The following COMP variants were observed in gnomAD, a reference collection of about 807,000 sequenced individuals.
The protein encoded by COMP is cartilage oligomeric matrix protein (pseudoachondroplasia, epiphyseal dysplasia 1, multiple).
A neutral mutation model predicts 95.8 loss-of-function variants in COMP; 79 were observed. That is an observed-to-expected ratio of 0.82 (90% CI 0.69 to 0.99). The LOEUF is 0.99. Among genes scored for constraint, COMP ranks in the 50% least tolerant of loss-of-function variants. The probability of loss-of-function intolerance (pLI) is 0.00; values close to 1 mark genes in which losing one functional copy is unlikely to be tolerated. For synonymous variants in COMP, 438 were observed against 433.9 expected, an observed-to-expected ratio of 1.01 and a Z score of -0.12; for missense variants, 906 against 1,076.1, an observed-to-expected ratio of 0.84 and a Z score of 2.21.
In COMP at chr19:18,789,371, G is replaced by A; in HGVS notation, c.391-74C>T. The stretch of plus-strand genomic sequence containing the variant: ...TGGGGGCCGCACCTCGTAGTGTCTC[G>A]GATGTGGAAAGTTCAAGGGCCATAT... On this transcript the variant is annotated intron_variant, in intron 4 of 18. Coordinates refer to ENST00000222271, the MANE Select transcript of COMP (RefSeq NM_000095.3). This position sits in a 1 kb window ranked among gnomAD's most constrained non-coding sequence, Gnocchi z 6.1. 1 of 1,385,424 alleles carries A rather than the reference G, an allele frequency of 7.2e-7. No homozygotes were observed. The highest frequency in any genetic ancestry group is 9.5e-7 in the Non-Finnish European group (1 of 1,053,384). 85.8% of individuals were successfully genotyped at this position (1,385,424 alleles called of 1,614,324 possible). A position where few individuals can be genotyped will look rare whatever the true frequency, so the allele number is the denominator to read the frequency against.
Position 18,789,811 on chromosome 19 carries a change from C to A in COMP, c.390+131G>T. On this transcript the variant is annotated intron_variant, in intron 4 of 18. Coordinates refer to ENST00000222271, the MANE Select transcript of COMP (RefSeq NM_000095.3). This position sits in a 1 kb window ranked among gnomAD's most constrained non-coding sequence, Gnocchi z 6.1. ...CCCCGCGGTAAGGAGGTAGTCTGGC[C>A]GTGCGCCCCCGGAGGTGAGAGGCTC... The A allele has an allele frequency of 4.2e-6, 5 of 1,177,108 alleles. No homozygotes were observed. Among genetic ancestry groups the A allele is most frequent in the Non-Finnish European group, 4.9e-6 (4 of 821,182 alleles). 72.9% of individuals were successfully genotyped at this position (1,177,108 alleles called of 1,614,324 possible). A position where few individuals can be genotyped will look rare whatever the true frequency, so the allele number is the denominator to read the frequency against.
chr19:18,787,870 CTTTCTTTCTTTCTTTCTT>C (rs2055179981), intron 9 of COMP, among the ~76,000 whole-genome samples: 1 of 52,984 alleles, frequency 1.9e-5, no homozygotes, highest in Non-Finnish European at 3.5e-5. Context: ...TTTTCTCTTT[CTTTCTTTCTTTCTTTCTT>C]TCTTTCTTTC....
At chr19:18,790,774 C>T in intron 2 of COMP, 76 bp downstream of exon 2, 1 of 1,586,340 alleles carries the variant, frequency 6.3e-7, no homozygotes, top group Non-Finnish European at 8.6e-7. Flanking sequence ...TTCTCGGGTA[C>T]TTCCTCTCTC....
rs201775456 is a variant in COMP, at chr19:18,788,335, G to A, written c.868-16C>T. Reference sequence around the variant, plus strand: ...CGCAGTTGTCCTGGGGGCGGGCACAGAAGGTGTGAGGGGCGCGGTCATGAA... The same window carrying A: ...CGCAGTTGTCCTGGGGGCGGGCACAAAAGGTGTGAGGGGCGCGGTCATGAA... On this transcript the variant is annotated splice_polypyrimidine_tract_variant and intron_variant, in intron 8 of 18. Transcript: ENST00000222271. This position sits in a 1 kb window ranked among gnomAD's most constrained non-coding sequence, Gnocchi z 4.7. 2.6e-5 allele frequency: 42 copies of A among 1,609,542 alleles called. No homozygotes were observed. The African/African-American group carries it at 4.1e-4, about 16-fold the overall frequency.
rs1390266473 is a variant in COMP at position 18,788,714 on chromosome 19, C to G, written c.640G>C (p.Val214Leu). The G allele has an allele frequency of 9.1e-6, 14 of 1,542,390 alleles. No individual in the cohort carries two copies. Among genetic ancestry groups the G allele is most frequent in the African/African-American group, 2.7e-5 (2 of 72,982 alleles). The change falls in exon 7 of 19, where the codon GTG becomes CTG. Residue 214 changes from valine to leucine, a missense_variant. Coordinates refer to ENST00000222271, the MANE Select transcript of COMP (RefSeq NM_000095.3). This position sits in a 1 kb window ranked among gnomAD's most constrained non-coding sequence, Gnocchi z 4.7. ...TGGCAGCCGGACGCCTGGTCGCCCA[C>G]GAAGCCGGGCTGGCACGGGCCGCAC... ...FQCGPCQPGF[V>L]GDQASGCQRR...
chr19:18,788,876 T>C lies in COMP; in HGVS notation c.566A>G (p.His189Arg), dbSNP rs199792797. ...GCACACGGAGTTGGGGACGCAGTTATGTTGCCCGGTCTCACACTCGTTGAT... is the reference window on the plus strand; with the variant it reads ...GCACACGGAGTTGGGGACGCAGTTACGTTGCCCGGTCTCACACTCGTTGAT... ...TDINECETGQ[H>R]NCVPNSVCIN... The change falls in exon 6 of 19, where the codon CAT (histidine) becomes CGT (arginine). Residue 189 changes from histidine to arginine, a missense_variant. Transcript: ENST00000222271. This position sits in a 1 kb window ranked among gnomAD's most constrained non-coding sequence, Gnocchi z 4.7. The C allele has an allele frequency of 3.3e-5, 54 of 1,613,862 alleles. No individual in the cohort carries two copies. The highest frequency in any genetic ancestry group is 2.4e-5 in the Non-Finnish European group (28 of 1,180,000).
At position 18,789,216 on chromosome 19, in the gene COMP, A is replaced by AC; in HGVS notation, c.471dup (p.Tyr158ValfsTer28). 6.5e-7 allele frequency: 1 copy of AC among 1,537,856 alleles called. No individual in the cohort carries two copies. The highest frequency in any genetic ancestry group is 8.7e-7 in the Non-Finnish European group (1 of 1,150,272). On this transcript the variant is annotated frameshift_variant, in exon 5 of 19. Transcript: ENST00000222271. LOFTEE classifies it high-confidence loss of function. The surrounding 1 kb of genome is among the most constrained non-coding windows in gnomAD (Gnocchi z 6.1). ...ACGCCCTGGTGGGTGGGGCCGCTGT[A>AC]CCCCGGCGGGCAAGCCTCGCAGCGG...
intron 2 of COMP, 74 bp downstream of exon 2, chr19:18,790,773 ACTT>A: frequency 6.3e-7 from 1 of 1,587,414 alleles, no homozygotes; most frequent in Non-Finnish European, 8.5e-7. Flanking sequence ...CTTCTCGGGT[ACTT>A]CCTCTCTCCT....
intron 15 of COMP, 71 bp downstream of exon 15, chr19:18,785,427 G>A (rs1365083943): frequency 1.9e-6 from 3 of 1,589,136 alleles, no homozygotes; most frequent in East Asian, 4.5e-5. Flanking sequence ...CTCAGCCCGG[G>A]CCTGCCCCTT....
In COMP at chr19:18,789,850, C is replaced by A; in HGVS notation, c.390+92G>T. ...GGTGAGAGGCTCTTCGGGGCGAACA[C>A]TCCCAGTGGAGGAAGGGGTCTCCCG... On this transcript the variant is annotated intron_variant, in intron 4 of 18. Coordinates refer to ENST00000222271, the MANE Select transcript of COMP (RefSeq NM_000095.3). The surrounding 1 kb of genome is among the most constrained non-coding windows in gnomAD (Gnocchi z 6.1). 1.4e-6 allele frequency: 2 copies of A among 1,468,962 alleles called. 1 individual carries two copies. Among genetic ancestry groups the A allele is most frequent in the South Asian group, 2.4e-5 (2 of 84,504 alleles). 91.0% of individuals were successfully genotyped at this position (1,468,962 alleles called of 1,614,324 possible).
In COMP at chr19:18,789,189, C is replaced by A. The variant is rs2145904059; in HGVS notation, c.499G>T (p.Gly167Trp). The change falls in exon 5 of 19, where the codon GGG (glycine) becomes TGG (tryptophan). Residue 167 changes from glycine to tryptophan, a missense_variant. Coordinates refer to ENST00000222271, the MANE Select transcript of COMP (RefSeq NM_000095.3). This position sits in a 1 kb window ranked among gnomAD's most constrained non-coding sequence, Gnocchi z 6.1. ...TTGTTGGCCTTGGCGAAAGCCAGCC[C>A]CACGCCCTGGTGGGTGGGGCCGCTG... The part of the protein sequence containing the change: ...GYSGPTHQGV[G>W]LAFAKANKQV... The A allele has an allele frequency of 2.5e-6, 4 of 1,573,572 alleles. No homozygotes were observed. Among genetic ancestry groups the A allele is most frequent in the East Asian group, 2.3e-5 (1 of 44,358 alleles).
rs2055178046 is a variant in COMP at position 18,787,767 on chromosome 19, A to G, written c.976-117T>C. ...CCTCAAGGAACCTTTCGCCCCTCCTAGACCACGGAGGCCACGCCCCTCATC... is the reference window on the plus strand; with the variant it reads ...CCTCAAGGAACCTTTCGCCCCTCCTGGACCACGGAGGCCACGCCCCTCATC... On this transcript the variant is annotated intron_variant, in intron 9 of 18. Transcript: ENST00000222271. The G allele has an allele frequency of 2.9e-6, 4 of 1,372,180 alleles. No homozygotes were observed. In the Admixed American group the frequency reaches 5.4e-5, roughly 18 times the overall value. 85.0% of individuals were successfully genotyped at this position (1,372,180 alleles called of 1,614,324 possible).
At chr19:18,785,155 C>T (rs2055155733) in intron 15 of COMP, 63 bp from the exon 16 acceptor site, 1 of 1,534,964 alleles carries the variant, frequency 6.5e-7, no homozygotes, top group Non-Finnish European at 9.0e-7. Context: ...GAACCTGGCA[C>T]CCAGAACCCA....
In COMP at chr19:18,789,277, G is replaced by A. The variant is rs751553623; in HGVS notation, c.411C>T (p.Phe137=). 2 of 1,501,818 alleles carry A rather than the reference G, an allele frequency of 1.3e-6. No individual in the cohort carries two copies. The highest frequency in any genetic ancestry group is 1.8e-6 in the Non-Finnish European group (2 of 1,128,976). The allele number at this position is 1,501,818 out of a possible 1,614,324, so 93.0% of individuals were successfully genotyped here. ...TGGTGTTGATACAGCGGACTCGGGG[G>A]AAGCAGGGGTGGGCGTTGCACTGGG... ...DVNECNAHPC[F]PRVRCINTSP... is the part of the protein sequence containing the mutation. The change falls in exon 5 of 19, where the codon TTC becomes TTT. Residue 137 remains phenylalanine, a synonymous_variant. Transcript: ENST00000222271. This position sits in a 1 kb window ranked among gnomAD's most constrained non-coding sequence, Gnocchi z 6.1.
rs548771123 is a variant in COMP at position 18,790,712 on chromosome 19, G to A, written c.166-99C>T. On this transcript the variant is annotated intron_variant, in intron 2 of 18. Coordinates refer to ENST00000222271, the MANE Select transcript of COMP (RefSeq NM_000095.3). ...GGGTCCCTTTCTACAGCCTCTTTTC[G>A]CCAAGGACTCCCTACCCGCCGACCC... 3.1e-6 allele frequency: 5 copies of A among 1,610,508 alleles called. No individual in the cohort carries two copies. In the East Asian group the frequency reaches 8.9e-5, roughly 29 times the overall value.
chr19:18,785,378 T>G, intron 15 of COMP, 120 bp downstream of exon 15: 1 of 1,148,612 alleles, frequency 8.7e-7, no homozygotes, highest in Non-Finnish European at 1.2e-6. Context: ...TCCCCGCCCT[T>G]CCTGAGCCCG....
Position 18,787,626 on chromosome 19 carries a change from G to T in COMP, c.1000C>A (p.Pro334Thr). Residue 334 changes from proline to threonine, a missense_variant, in exon 10 of 19, where the codon CCA becomes ACA. Pro to Thr is a conservative substitution (Grantham distance 38). Transcript: ENST00000222271. ...TCCTCGTCCGTGTTGCGCTGGTCTG[G>T]GTTCCGCACCAGCGGGCAGTTGTCC... Reference protein sequence around the residue: ...EKDNCPLVRNPDQRNTDEDKW... With the variant: ...EKDNCPLVRNTDQRNTDEDKW... 3 of 1,613,964 alleles carry T rather than the reference G, an allele frequency of 1.9e-6. No homozygotes were observed. Among genetic ancestry groups the T allele is most frequent in the Non-Finnish European group, 2.5e-6 (3 of 1,180,026 alleles).
intron 9 of COMP, among the ~76,000 whole-genome samples, 188 bp from the exon 10 acceptor site, chr19:18,787,838 G>GTCTTTTC (rs1185909578): frequency 8.3e-6 from 1 of 120,578 alleles, no homozygotes; most frequent in Non-Finnish European, 1.7e-5. Flanking sequence ...TCACAGCTCT[G>GTCTTTTC]TCTTTTCTTT....
intron 3 of COMP, 122 bp from the exon 4 acceptor site, chr19:18,790,236 C>T: frequency 1.7e-6 from 1 of 582,284 alleles, no homozygotes; most frequent in South Asian, 2.1e-5. Context: ...CGCCCCGGGG[C>T]GGCCCGAAAT....
Sources: allele counts gnomAD v4.1 joint callset (sites outside exome capture counted in the v4.1 genomes callset), GRCh38; gene constraint gnomAD v4.1.1; non-coding constraint Gnocchi (gnomAD v3.1); transcripts MANE v1.5; gene names NCBI Gene and HGNC (gene_info 2026-07-23, HGNC 2026-07-21).